VAC14: variants seen among roughly 807,000 people sequenced by gnomAD.
VAC14 encodes the protein VAC14 component of PIKFYVE complex.
Under a neutral mutation model 85.3 loss-of-function variants are expected in VAC14, and 47 were observed. The ratio of observed to expected loss-of-function variants is 0.55; its 90% CI spans 0.44 to 0.70. VAC14 has a LOEUF of 0.70. Among genes scored for constraint, VAC14 ranks in the 30% least tolerant of loss-of-function variants. The pLI, the probability that VAC14 is intolerant of heterozygous loss-of-function variation, is 0.00. For missense variants in VAC14, 861 were observed against 1,004.3 expected, an observed-to-expected ratio of 0.86 and a Z score of 1.93; for synonymous variants, 447 against 430.5, an observed-to-expected ratio of 1.04 and a Z score of -0.47.
intron 1 of VAC14, among the ~76,000 whole-genome samples, chr16:70,799,604 C>A (rs1481873264): frequency 6.6e-6 from 1 of 152,206 alleles, no homozygotes; most frequent in African/African-American, 2.4e-5. Context: ...TGGAGTGCTA[C>A]TGGCATCCAG....
At chr16:70,767,071 G>C (rs1217822368) in intron 10 of VAC14, among the ~76,000 whole-genome samples, 1 of 152,182 alleles carries the variant, frequency 6.6e-6, no homozygotes, top group Non-Finnish European at 1.5e-5. Context: ...GGGGGCTTCT[G>C]AGTTATTTCA....
chr16:70,772,393 G>C (rs1025925125), intron 9 of VAC14: 3 of 546,040 alleles, frequency 5.5e-6, no homozygotes, highest in Non-Finnish European at 9.8e-6. Flanking sequence ...ATCTCACAAG[G>C]AGGGGACACC....
chr16:70,767,796 T>A (rs2032929490), intron 10 of VAC14, among the ~76,000 whole-genome samples: 1 of 152,244 alleles, frequency 6.6e-6, no homozygotes, highest in Non-Finnish European at 1.5e-5. Flanking sequence ...AAGGTTCTTG[T>A]AATAACAATT....
At chr16:70,732,832 A>G (rs2054632195) in intron 13 of VAC14, among the ~76,000 whole-genome samples, 1 of 151,646 alleles carries the variant, frequency 6.6e-6, no homozygotes, top group Non-Finnish European at 1.5e-5. Flanking sequence ...TTTTTTTAGT[A>G]GAGGTGGGGT....
intron 9 of VAC14, among the ~76,000 whole-genome samples, chr16:70,773,547 C>G (rs3855651): frequency 0.081 from 12,259 of 152,204 alleles, 523 homozygotes; most frequent in Middle Eastern, 0.14. Flanking sequence ...ACAGCTCTCA[C>G]TGCACTGAGG....
intron 1 of VAC14, among the ~76,000 whole-genome samples, chr16:70,799,863 G>C (rs1291649940): frequency 6.6e-6 from 1 of 152,196 alleles, no homozygotes; most frequent in East Asian, 1.9e-4. Flanking sequence ...AGCTACATGT[G>C]GCTATTGAAC....
At chr16:70,751,583 G>T (rs1482195792) in intron 12 of VAC14, among the ~76,000 whole-genome samples, 2 of 152,236 alleles carry the variant, frequency 1.3e-5, no homozygotes, top group Non-Finnish European at 2.9e-5. Context: ...CTTCGTGAGG[G>T]GTGCAGCCTG....
chr16:70,759,618 T>A (rs1457641714), intron 12 of VAC14, among the ~76,000 whole-genome samples: 1 of 151,864 alleles, frequency 6.6e-6, no homozygotes, highest in Non-Finnish European at 1.5e-5. Context: ...AGAGTGAGAT[T>A]CCATGTCAAA....
chr16:70,736,363 T>C (rs1014130046), intron 13 of VAC14, among the ~76,000 whole-genome samples: 2 of 152,116 alleles, frequency 1.3e-5, no homozygotes, highest in African/African-American at 4.8e-5. Context: ...TCATTCTGAG[T>C]CTCAGAATGG....
At chr16:70,792,433 A>G (rs1455296062) in intron 1 of VAC14, among the ~76,000 whole-genome samples, 1 of 152,230 alleles carries the variant, frequency 6.6e-6, no homozygotes, top group Non-Finnish European at 1.5e-5. Flanking sequence ...GCTGTCTTAT[A>G]CACCAGAGCA....
chr16:70,769,377 C>G (rs1317266357), intron 10 of VAC14: 3 of 152,806 alleles, frequency 2.0e-5, no homozygotes, highest in Non-Finnish European at 4.4e-5. Flanking sequence ...CCTGGCAACT[C>G]TGCACGATCC....
At chr16:70,743,210 C>T (rs1341969360) in intron 13 of VAC14, among the ~76,000 whole-genome samples, 1 of 152,118 alleles carries the variant, frequency 6.6e-6, no homozygotes, top group Non-Finnish European at 1.5e-5. Context: ...CACCAATCAG[C>T]ACTCTATAAA....
At chr16:70,744,305 C>A in intron 13 of VAC14, 118 bp downstream of exon 13, 1 of 1,416,750 alleles carries the variant, frequency 7.1e-7, no homozygotes, top group Non-Finnish European at 9.5e-7. Context: ...AGACCCCTCA[C>A]ACCCTGGCAG....
chr16:70,691,902 G>A (rs1446628403), intron 18 of VAC14: 2 of 985,150 alleles, frequency 2.0e-6, no homozygotes, highest in Non-Finnish European at 1.2e-6. Context: ...GAGCACCCGA[G>A]GCCCTTTGCT....
intron 18 of VAC14, chr16:70,691,671 G>A: frequency 2.0e-6 from 2 of 985,472 alleles, no homozygotes; most frequent in Non-Finnish European, 2.4e-6. Flanking sequence ...CTGGGGAAAT[G>A]GGGCAGGGAA....
intron 16 of VAC14, 71 bp from the exon 17 acceptor site, chr16:70,695,694 C>G (rs149718718): frequency 0.011 from 15,703 of 1,429,984 alleles, 128 homozygotes; most frequent in Non-Finnish European, 0.013. Flanking sequence ...CACACGCCCT[C>G]CCCCCCTGCA....
intron 14 of VAC14, among the ~76,000 whole-genome samples, chr16:70,730,501 C>T (rs770704497): frequency 1.3e-5 from 2 of 151,516 alleles, no homozygotes; most frequent in Admixed American, 1.3e-4. Context: ...CCATGGTAGT[C>T]GGTAGTCTAC....
chr16:70,739,207 C>T (rs995178769), intron 13 of VAC14, among the ~76,000 whole-genome samples: 2 of 152,178 alleles, frequency 1.3e-5, no homozygotes, highest in East Asian at 1.9e-4. Context: ...TCCGAGGTCA[C>T]GGGATGGATG....
At chr16:70,701,712 C>A (rs970029877) in intron 14 of VAC14, among the ~76,000 whole-genome samples, 2 of 152,236 alleles carry the variant, frequency 1.3e-5, no homozygotes, top group African/African-American at 4.8e-5. Context: ...TTGCTAGCGG[C>A]TTCCGCCTGG....
Sources: allele counts gnomAD v4.1 joint callset (sites outside exome capture counted in the v4.1 genomes callset), GRCh38; gene constraint gnomAD v4.1.1; transcripts MANE v1.5; gene names NCBI Gene and HGNC (gene_info 2026-07-23, HGNC 2026-07-21).